CEP83: variants seen among roughly 807,000 people sequenced by gnomAD.
The protein encoded by CEP83 is centrosomal protein 83.
A neutral mutation model predicts 101.9 loss-of-function variants in CEP83; 70 were observed. That is an observed-to-expected ratio of 0.69 (90% CI 0.57 to 0.84). CEP83 has a LOEUF of 0.84. Among genes scored for constraint, CEP83 ranks in the 40% least tolerant of loss-of-function variants. The pLI is 0.00. For missense variants in CEP83, 715 were observed against 787.2 expected (o/e 0.91, Z 1.10); for synonymous variants, 264 against 267.9 (o/e 0.99, Z 0.14).
intron 12 of CEP83, among the ~76,000 whole-genome samples, chr12:94,335,163 T>C (rs1210333118): frequency 1.3e-5 from 2 of 152,128 alleles, no homozygotes; most frequent in African/African-American, 4.8e-5. Flanking sequence ...TAAACACAAA[T>C]TTCCTTCCAT....
intron 1 of CEP83, among the ~76,000 whole-genome samples, chr12:94,443,226 G>A (rs1223253394): frequency 6.6e-6 from 1 of 151,982 alleles, no homozygotes; most frequent in Non-Finnish European, 1.5e-5. Context: ...CTTTGCTAGA[G>A]TCAATTAAGT....
chr12:94,309,355 T>C (rs893995302), intron 16 of CEP83, among the ~76,000 whole-genome samples: 3 of 152,164 alleles, frequency 2.0e-5, no homozygotes, highest in Admixed American at 6.5e-5. Flanking sequence ...AAAGAATCAA[T>C]CTGATTCCTT....
At chr12:94,356,473 T>C (rs2060481282) in intron 11 of CEP83, among the ~76,000 whole-genome samples, 1 of 152,166 alleles carries the variant, frequency 6.6e-6, no homozygotes, top group African/African-American at 2.4e-5. Context: ...GCTGCCCCAG[T>C]GACTGTTCGA....
intron 8 of CEP83, among the ~76,000 whole-genome samples, chr12:94,374,235 G>C (rs1044963360): frequency 6.6e-6 from 1 of 152,096 alleles, no homozygotes; most frequent in African/African-American, 2.4e-5. Context: ...AGGGAGCTCA[G>C]GTAAAATGTA....
the CEP83 span, among the ~76,000 whole-genome samples, chr12:94,293,781 G>T: frequency 6.6e-6 from 1 of 152,106 alleles, no homozygotes. Flanking sequence ...AATGCGCCCA[G>T]ATAATTAAAA....
chr12:94,295,783 C>T, the CEP83 span, among the ~76,000 whole-genome samples: 2 of 152,310 alleles, frequency 1.3e-5, no homozygotes, highest in East Asian at 1.9e-4. Context: ...CTCCACACAG[C>T]CTGCTCTCAT....
At chr12:94,450,692 CATT>C in intron 1 of CEP83, among the ~76,000 whole-genome samples, 1 of 152,206 alleles carries the variant, frequency 6.6e-6, no homozygotes, top group African/African-American at 2.4e-5. Flanking sequence ...AAGTAAAAAA[CATT>C]ATTAAGAGAA....
At chr12:94,295,722 T>C in the CEP83 span, among the ~76,000 whole-genome samples, 2 of 152,298 alleles carry the variant, frequency 1.3e-5, no homozygotes, top group African/African-American at 2.4e-5. Context: ...AGGCACATAA[T>C]GGCACACAGT....
intron 14 of CEP83, among the ~76,000 whole-genome samples, chr12:94,315,246 G>A (rs1199973569): frequency 1.3e-5 from 2 of 152,080 alleles, no homozygotes. Context: ...CCAGTACTTG[G>A]TATGGTCGGT....
chr12:94,446,899 A>G (rs1250220654), intron 1 of CEP83, among the ~76,000 whole-genome samples: 3 of 152,178 alleles, frequency 2.0e-5, no homozygotes, highest in Non-Finnish European at 4.4e-5. Context: ...AAATCCAAAG[A>G]AACCTGCAAA....
At chr12:94,333,700 A>G in intron 12 of CEP83, 61 bp from the exon 13 acceptor site, 1 of 1,515,242 alleles carries the variant, frequency 6.6e-7, no homozygotes. Flanking sequence ...AAGGTATGAG[A>G]GAAGCAGAAG....
intron 11 of CEP83, among the ~76,000 whole-genome samples, chr12:94,357,415 G>A (rs997217950): frequency 1.3e-5 from 2 of 152,146 alleles, no homozygotes; most frequent in African/African-American, 4.8e-5. Context: ...AAACTGTTGA[G>A]CCAGAAATAT....
the CEP83 span, among the ~76,000 whole-genome samples, chr12:94,293,310 T>G: frequency 6.6e-6 from 1 of 152,252 alleles, no homozygotes; most frequent in East Asian, 1.9e-4. Context: ...TTCTGTGGAC[T>G]AAGGACCTAC....
At chr12:94,367,326 T>C (rs2061072665) in intron 11 of CEP83, among the ~76,000 whole-genome samples, 1 of 152,032 alleles carries the variant, frequency 6.6e-6, no homozygotes, top group Non-Finnish European at 1.5e-5. Flanking sequence ...AAATCACCAG[T>C]TAAGGGGCCA....
intron 1 of CEP83, among the ~76,000 whole-genome samples, chr12:94,459,056 G>A (rs918300732): frequency 1.3e-5 from 2 of 152,190 alleles, no homozygotes; most frequent in Admixed American, 1.3e-4. Flanking sequence ...TTATCCTAGA[G>A]ATCTGTAAGA....
Position 94,378,931 on chromosome 12 carries a change from A to G in CEP83, c.661T>C (p.Cys221Arg), listed in dbSNP as rs1355622201. ...EQLAREKVYL[C>R]QKLKGLEAEV... ...GCCTCTAAACCTTTTAATTTTTGACACAAATAGACTTTTTCTCGAGCAAGT... is the reference window on the plus strand; with the variant it reads ...GCCTCTAAACCTTTTAATTTTTGACGCAAATAGACTTTTTCTCGAGCAAGT... Residue 221 changes from cysteine to arginine, a missense_variant, in exon 7 of 17, where the codon TGT becomes CGT. Transcript: ENST00000397809. The G allele has an allele frequency of 3.1e-6, 5 of 1,613,950 alleles. No individual in the cohort carries two copies. The highest frequency in any genetic ancestry group is 4.2e-6 in the Non-Finnish European group (5 of 1,180,004).
At chr12:94,295,667 A>G in the CEP83 span, among the ~76,000 whole-genome samples, 6 of 152,184 alleles carry the variant, frequency 3.9e-5, no homozygotes, top group African/African-American at 1.2e-4. Context: ...GATGAACCCA[A>G]CGATTATCCT....
chr12:94,379,642 T>C (rs2061729235), intron 6 of CEP83, among the ~76,000 whole-genome samples: 1 of 152,162 alleles, frequency 6.6e-6, no homozygotes, highest in Non-Finnish European at 1.5e-5. Context: ...GGTGTTAAAG[T>C]CACTGGGGAA....
At chr12:94,357,635 C>T (rs2060543578) in intron 11 of CEP83, among the ~76,000 whole-genome samples, 1 of 152,210 alleles carries the variant, frequency 6.6e-6, no homozygotes, top group South Asian at 2.1e-4. Flanking sequence ...TTATGCTGCA[C>T]AAAAGCTGTG....
Sources: allele counts gnomAD v4.1 joint callset (sites outside exome capture counted in the v4.1 genomes callset), GRCh38; gene constraint gnomAD v4.1.1; transcripts MANE v1.5; gene names NCBI Gene and HGNC (gene_info 2026-07-23, HGNC 2026-07-21).